The following TSHR variants were observed in gnomAD, a reference collection of about 807,000 sequenced individuals.
TSHR encodes thyrotropin receptor.
In TSHR, 51 loss-of-function variants were observed where a neutral mutation model predicts 64.1. The ratio of observed to expected loss-of-function variants is 0.80; its 90% CI spans 0.64 to 1.01. TSHR has a LOEUF of 1.01. TSHR is among the 50% of genes least tolerant of loss of function. The pLI is 0.00. For missense variants in TSHR, 877 were observed against 942.8 expected (o/e 0.93, Z 0.91); for synonymous variants, 361 against 361.9 (o/e 1.00, Z 0.03).
chr14:81,042,735 G>T (rs1030261014), intron 1 of TSHR, among the ~76,000 whole-genome samples: 1 of 152,054 alleles, frequency 6.6e-6, no homozygotes, highest in African/African-American at 2.4e-5. Context: ...ACAGTAGGGT[G>T]ACTATAGTTA....
chr14:81,002,636 C>G (rs1889379463), intron 1 of TSHR, among the ~76,000 whole-genome samples: 2 of 152,110 alleles, frequency 1.3e-5, no homozygotes, highest in Admixed American at 1.3e-4. Flanking sequence ...AGTTAACCCT[C>G]TATCCATTTT....
chr14:81,103,640 T>C lies in TSHR; in HGVS notation c.615-4735T>C, dbSNP rs572626307. ...CTATGACTTCCTATGGCGCCAAGAA[T>C]GTTGTCATCACTCAGAGGTGAAATT... On this transcript the variant is annotated intron_variant, in intron 7 of 9. Transcript: ENST00000298171. The surrounding 1 kb of genome is among the most constrained non-coding windows in gnomAD (Gnocchi z 4.1). The C allele has an allele frequency of 1.0e-6, 1 of 985,476 alleles. No individual in the cohort carries two copies. Among genetic ancestry groups the C allele is most frequent in the African/African-American group, 1.7e-5 (1 of 57,374 alleles). 61.0% of individuals were successfully genotyped at this position (985,476 alleles called of 1,614,324 possible).
chr14:81,048,770 G>C (rs1298851773), intron 1 of TSHR, among the ~76,000 whole-genome samples: 1 of 152,194 alleles, frequency 6.6e-6, no homozygotes, highest in Admixed American at 6.5e-5. Flanking sequence ...AGGTGCTTCT[G>C]ACAATGTTCA....
rs1886628490 is a variant in TSHR, at chr14:80,955,720, G to C, written c.40G>C (p.Asp14His). The stretch of plus-strand genomic sequence containing the variant: ...CTTGCTGCAGCTGGTGCTGCTGCTC[G>C]ACCTGCCCAGGGACCTGGGCGGAAT... ...ADLLQLVLLL[D>H]LPRDLGGMGC... Residue 14 changes from aspartate to histidine, a missense_variant, in exon 1 of 10, where the codon GAC (aspartate) becomes CAC (histidine). Transcript: ENST00000298171. 6.2e-7 allele frequency: 1 copy of C among 1,614,118 alleles called. No individual in the cohort carries two copies. Among genetic ancestry groups the C allele is most frequent in the East Asian group, 2.2e-5 (1 of 44,868 alleles).
At chr14:81,085,701 C>T (rs553633302) in intron 3 of TSHR, among the ~76,000 whole-genome samples, 12 of 152,310 alleles carry the variant, frequency 7.9e-5, no homozygotes, top group African/African-American at 1.2e-4. Flanking sequence ...ACTCGTTCAA[C>T]GACAGTCTCT....
chr14:80,981,064 G>A (rs1449295820), intron 1 of TSHR, among the ~76,000 whole-genome samples: 2 of 152,076 alleles, frequency 1.3e-5, no homozygotes, highest in Non-Finnish European at 2.9e-5. Flanking sequence ...TTTGAAAACT[G>A]TGAGATCTTA....
chr14:81,018,110 A>G (rs1031814140), intron 1 of TSHR, among the ~76,000 whole-genome samples: 1 of 152,088 alleles, frequency 6.6e-6, no homozygotes, highest in Non-Finnish European at 1.5e-5. Flanking sequence ...GAATTACAAT[A>G]GTACCTAACA....
intron 8 of TSHR, among the ~76,000 whole-genome samples, chr14:81,127,638 T>C (rs9652304): frequency 0.39 from 59,709 of 152,022 alleles, 12,969 homozygotes; most frequent in African/African-American, 0.57. Flanking sequence ...GAGGTGGTTC[T>C]TCTATACTGT....
At position 81,144,486 on chromosome 14, in the gene TSHR, TG is replaced by T. The variant is rs886050856; in HGVS notation, c.*137del. 1 of 924,496 alleles carries T rather than the reference TG, an allele frequency of 1.1e-6. No individual in the cohort carries two copies. The highest frequency in any genetic ancestry group is 1.7e-6 in the Non-Finnish European group (1 of 593,186). The allele number at this position is 924,496 out of a possible 1,614,324, so 57.3% of individuals were successfully genotyped here. On this transcript the variant is annotated 3_prime_UTR_variant, in exon 10 of 10. Coordinates refer to ENST00000298171, the MANE Select transcript of TSHR (RefSeq NM_000369.5). ...GTGCAGGCGATGTTTCAATGTTTCA[TG>T]GGGCAAGAGTTTATCTCTGGAGAGT...
chr14:81,120,418 G>C (rs2284737), intron 8 of TSHR, among the ~76,000 whole-genome samples: 1 of 151,990 alleles, frequency 6.6e-6, no homozygotes. Flanking sequence ...TTTATTCCTA[G>C]TTTTTGTTTT....
At chr14:81,031,245 T>C (rs1286620477) in intron 1 of TSHR, among the ~76,000 whole-genome samples, 1 of 152,220 alleles carries the variant, frequency 6.6e-6, no homozygotes, top group East Asian at 1.9e-4. Flanking sequence ...GCTACCATCC[T>C]ACTCTTGGCA....
At chr14:81,034,237 C>T (rs1349240606) in intron 1 of TSHR, among the ~76,000 whole-genome samples, 1 of 152,212 alleles carries the variant, frequency 6.6e-6, no homozygotes, top group African/African-American at 2.4e-5. Context: ...TCAGAGTTGA[C>T]ATCATGTTAC....
At position 81,118,647 on chromosome 14, in the gene TSHR, G is replaced by T. The variant is rs566008008; in HGVS notation, c.692+10195G>T. 2.0e-5 allele frequency among the ~76,000 whole-genome samples: 3 copies of T among 152,226 alleles called. No homozygotes were observed. The East Asian group carries it at 5.8e-4, about 29-fold the overall frequency. ...ATGCCATCCCCATCAAGCTACCAAT[G>T]ACTTTCGTCACAGAATTGGAAAAAA... is the stretch of plus-strand genomic sequence containing the variant. On this transcript the variant is annotated intron_variant, in intron 8 of 9. Coordinates refer to ENST00000298171, the MANE Select transcript of TSHR (RefSeq NM_000369.5).
At chr14:81,028,460 A>G (rs79793108) in intron 1 of TSHR, among the ~76,000 whole-genome samples, 1 of 152,122 alleles carries the variant, frequency 6.6e-6, no homozygotes, top group African/African-American at 2.4e-5. Context: ...AAAAAAATCT[A>G]TCAAGAAAGG....
chr14:80,964,183 C>A (rs182090811), intron 1 of TSHR, among the ~76,000 whole-genome samples: 1 of 152,098 alleles, frequency 6.6e-6, no homozygotes. Context: ...CTGGCTAACA[C>A]GGTGAAACCC....
chr14:81,085,438 A>G (rs1888221264), intron 3 of TSHR, among the ~76,000 whole-genome samples: 1 of 152,152 alleles, frequency 6.6e-6, no homozygotes, highest in South Asian at 2.1e-4. Context: ...GGGGTCTCTC[A>G]TTCATCTTTC....
At chr14:81,093,642 T>C (rs1888931992) in intron 6 of TSHR, 1 of 152,240 alleles carries the variant, frequency 6.6e-6, no homozygotes, top group Non-Finnish European at 1.5e-5. Flanking sequence ...GAGCCATTCC[T>C]AGTTTATCAG....
At chr14:81,100,471 C>T (rs1404511060) in intron 7 of TSHR, among the ~76,000 whole-genome samples, 1 of 152,212 alleles carries the variant, frequency 6.6e-6, no homozygotes, top group Admixed American at 6.5e-5. Context: ...CCAATGCACA[C>T]CAGCTGGATG....
intron 3 of TSHR, among the ~76,000 whole-genome samples, chr14:81,074,753 A>C (rs76027130): frequency 0.036 from 5,398 of 151,562 alleles, 279 homozygotes; most frequent in African/African-American, 0.11. Context: ...AAAATAACAT[A>C]ATGTTATTCC....
Sources: gnomAD v4.1 joint callset for allele counts (sites outside exome capture counted in the v4.1 genomes callset) on GRCh38, gnomAD v4.1.1 for gene constraint, Gnocchi (gnomAD v3.1) non-coding constraint, MANE v1.5 for transcripts, NCBI Gene and HGNC (gene_info 2026-07-23, HGNC 2026-07-21) for gene names.